Variants in COL23A1 observed in about 807,000 individuals in gnomAD.
The protein encoded by COL23A1 is collagen alpha-1(XXIII) chain.
A neutral mutation model predicts 99.3 loss-of-function variants in COL23A1; 97 were observed. The ratio of observed to expected loss-of-function variants is 0.98; its 90% CI spans 0.83 to 1.16. The LOEUF (loss-of-function observed/expected upper bound fraction) is 1.16, where lower values mean the gene tolerates loss of function less well. COL23A1 is among the 50% of genes most tolerant of loss of function. The pLI is 0.00. For synonymous variants in COL23A1, 320 were observed against 308.2 expected, an observed-to-expected ratio of 1.04 and a Z score of -0.40; for missense variants, 762 against 757.4, an observed-to-expected ratio of 1.01 and a Z score of -0.07.
rs565250800 is a variant in COL23A1 at position 178,495,742 on chromosome 5, T to G, written c.361+64940A>C. On this transcript the variant is annotated intron_variant, in intron 2 of 28. Coordinates refer to ENST00000390654, the MANE Select transcript of COL23A1 (RefSeq NM_173465.4). ...AATATGAAAATAGTGGGGGCTGAGC[T>G]AGAGAGGCTCAGGAGACAGGGTAAG... 3.9e-5 allele frequency among the ~76,000 whole-genome samples: 6 copies of G among 152,160 alleles called. 1 individual carries two copies. In the South Asian group the frequency reaches 1.2e-3, roughly 32 times the overall value.
chr5:178,479,296 G>A (rs747364856), intron 2 of COL23A1, among the ~76,000 whole-genome samples: 13 of 152,166 alleles, frequency 8.5e-5, no homozygotes, highest in African/African-American at 2.9e-4. Flanking sequence ...TATGGAGGTC[G>A]GGAGCCAGGA....
chr5:178,343,111 C>T (rs968124048), intron 2 of COL23A1, among the ~76,000 whole-genome samples: 5 of 152,234 alleles, frequency 3.3e-5, no homozygotes, highest in African/African-American at 4.8e-5. Flanking sequence ...ATGGCCAACA[C>T]ATTCTCAACC....
chr5:178,248,468 G>C (rs1764835144), intron 19 of COL23A1, among the ~76,000 whole-genome samples: 1 of 152,206 alleles, frequency 6.6e-6, no homozygotes, highest in African/African-American at 2.4e-5. Flanking sequence ...CGCACACATT[G>C]TTTTCCTGGG....
At chr5:178,290,402 T>C (rs749522786) in intron 3 of COL23A1, 33 bp from the exon 4 acceptor site, 3 of 1,614,008 alleles carry the variant, frequency 1.9e-6, no homozygotes, top group South Asian at 1.1e-5. Flanking sequence ...CCACAGTCAG[T>C]GTGGAAGGCA....
chr5:178,462,608 G>A (rs1428279972), intron 2 of COL23A1, among the ~76,000 whole-genome samples: 1 of 152,096 alleles, frequency 6.6e-6, no homozygotes, highest in East Asian at 1.9e-4. Flanking sequence ...ATCCATAACA[G>A]CTGATGAAAA....
chr5:178,411,930 G>A (rs560792464), intron 2 of COL23A1, among the ~76,000 whole-genome samples: 3 of 152,330 alleles, frequency 2.0e-5, no homozygotes, highest in Admixed American at 2.0e-4. Flanking sequence ...TGTGTGTAAT[G>A]TTACTGAGAG....
Position 178,247,849 on chromosome 5 carries a change from C to G in COL23A1, c.1213-18G>C. The G allele has an allele frequency of 6.2e-7, 1 of 1,608,248 alleles. No individual in the cohort carries two copies. The highest frequency in any genetic ancestry group is 1.1e-5 in the South Asian group (1 of 90,290). On this transcript the variant is annotated intron_variant, in intron 20 of 28. Coordinates refer to ENST00000390654, the MANE Select transcript of COL23A1 (RefSeq NM_173465.4). ...AGCTGAGCCTAGGGAGGGTGAGAGA[C>G]AGGTTAGTCACCCACCGCCTGTCAC... is the stretch of plus-strand genomic sequence containing the variant.
At chr5:178,421,190 G>T (rs1765616746) in intron 2 of COL23A1, among the ~76,000 whole-genome samples, 3 of 152,186 alleles carry the variant, frequency 2.0e-5, no homozygotes, top group East Asian at 1.9e-4. Context: ...AAACGGTCAT[G>T]ATTTGGTTTT....
intron 4 of COL23A1, among the ~76,000 whole-genome samples, chr5:178,288,930 T>A (rs1303059482): frequency 6.6e-6 from 1 of 152,144 alleles, no homozygotes; most frequent in Non-Finnish European, 1.5e-5. Flanking sequence ...AGCTTGAGAA[T>A]TTCTGCATTT....
chr5:178,262,203 C>T lies in COL23A1; in HGVS notation c.675+14G>A, dbSNP rs73338868. ...CCTAGCAGCCCAGGCCTCTGGAATG[C>T]CCTGGATACTGACCATCTCGCCGTC... On this transcript the variant is annotated intron_variant, in intron 10 of 28. Coordinates refer to ENST00000390654, the MANE Select transcript of COL23A1 (RefSeq NM_173465.4). 42,503 of 1,578,286 alleles carry T rather than the reference C, an allele frequency of 0.027. 1,719 individuals are homozygous for T. The highest frequency in any genetic ancestry group is 0.19 in the African/African-American group (14,225 of 74,654).
intron 2 of COL23A1, among the ~76,000 whole-genome samples, chr5:178,412,117 C>G (rs1046801079): frequency 6.6e-6 from 1 of 152,124 alleles, no homozygotes; most frequent in Non-Finnish European, 1.5e-5. Flanking sequence ...GCGTAAGTAT[C>G]GATCAATTGA....
intron 1 of COL23A1, among the ~76,000 whole-genome samples, chr5:178,579,653 C>T (rs1763561470): frequency 1.3e-5 from 2 of 152,060 alleles, no homozygotes; most frequent in African/African-American, 4.8e-5. Flanking sequence ...GGGGTTTCAC[C>T]ATGTTTGCCA....
intron 2 of COL23A1, among the ~76,000 whole-genome samples, chr5:178,326,417 A>G (rs1241916592): frequency 6.6e-6 from 1 of 151,752 alleles, no homozygotes; most frequent in African/African-American, 2.4e-5. Context: ...GAACATTTAA[A>G]AAAAAAAAAA....
intron 2 of COL23A1, among the ~76,000 whole-genome samples, chr5:178,472,371 T>C (rs1032111919): frequency 2.0e-5 from 3 of 152,130 alleles, no homozygotes; most frequent in Non-Finnish European, 4.4e-5. Flanking sequence ...AGCAGGTGGA[T>C]AAGGGTGTGG....
At chr5:178,523,665 C>T (rs889790229) in intron 2 of COL23A1, 23 of 152,110 alleles carry the variant, frequency 1.5e-4, no homozygotes, top group Admixed American at 1.4e-3. Context: ...TATCAGTGGC[C>T]GTAAGTGTTT....
At chr5:178,327,007 T>C (rs184010502) in intron 2 of COL23A1, among the ~76,000 whole-genome samples, 169 of 152,366 alleles carry the variant, frequency 1.1e-3, no homozygotes, top group African/African-American at 1.8e-3. Flanking sequence ...CGTGAGCCAC[T>C]GCACCGGGCC....
intron 2 of COL23A1, among the ~76,000 whole-genome samples, chr5:178,436,337 C>G (rs1332703005): frequency 2.6e-5 from 4 of 151,708 alleles, no homozygotes; most frequent in African/African-American, 9.7e-5. Context: ...CCATCCCAGG[C>G]AGCCGGTGTC....
chr5:178,334,417 G>C (rs927564369), intron 2 of COL23A1, among the ~76,000 whole-genome samples: 1 of 152,222 alleles, frequency 6.6e-6, no homozygotes, highest in African/African-American at 2.4e-5. Flanking sequence ...GGGGGCCACC[G>C]GGCGGCACCG....
Position 178,346,487 on chromosome 5 carries a change from T to G in COL23A1, c.362-39568A>C, listed in dbSNP as rs150511278. ...CTGACCTCAGGTGATCCACCCGCCT[T>G]GGTCTCCCAAAGTGCTGGGATTACA... On this transcript the variant is annotated intron_variant, in intron 2 of 28. Transcript: ENST00000390654. 9.8e-3 allele frequency among the ~76,000 whole-genome samples: 1,485 copies of G among 152,238 alleles called. 9 individuals are homozygous for G. The highest frequency in any genetic ancestry group is 0.014 in the Non-Finnish European group (952 of 68,014).
Sources: allele counts gnomAD v4.1 joint callset (sites outside exome capture counted in the v4.1 genomes callset), GRCh38; gene constraint gnomAD v4.1.1; transcripts MANE v1.5; gene names NCBI Gene and HGNC (gene_info 2026-07-23, HGNC 2026-07-21).